Variants in SIPA1L2 observed in about 807,000 individuals in gnomAD.
SIPA1L2 encodes the protein signal-induced proliferation-associated 1-like protein 2.
A neutral mutation model predicts 163.9 loss-of-function variants in SIPA1L2; 56 were observed. The ratio of observed to expected loss-of-function variants is 0.34; its 90% CI spans 0.28 to 0.43. SIPA1L2 has a LOEUF of 0.43. Among genes scored for constraint, SIPA1L2 ranks in the 20% least tolerant of loss-of-function variants. The pLI is 1.00. For synonymous variants in SIPA1L2, 877 were observed against 865.7 expected, an observed-to-expected ratio of 1.01 and a Z score of -0.23; for missense variants, 1,974 against 2,193.5, an observed-to-expected ratio of 0.90 and a Z score of 2.00.
chr1:232,439,602 T>A, intron 14 of SIPA1L2, 106 bp from the exon 15 acceptor site: 1 of 1,296,916 alleles, frequency 7.7e-7, no homozygotes, highest in Non-Finnish European at 1.1e-6. Flanking sequence ...CCAAGCCCTT[T>A]CTACTCACTC....
At chr1:232,546,092 C>A (rs1410137206) in intron 2 of SIPA1L2, among the ~76,000 whole-genome samples, 1 of 152,160 alleles carries the variant, frequency 6.6e-6, no homozygotes, top group Non-Finnish European at 1.5e-5. Context: ...CACCTGGAGT[C>A]CTGTCTAAAT....
At chr1:232,547,455 G>A (rs1484080051) in intron 2 of SIPA1L2, among the ~76,000 whole-genome samples, 1 of 151,588 alleles carries the variant, frequency 6.6e-6, no homozygotes, top group Non-Finnish European at 1.5e-5. Context: ...TTCTATTCAA[G>A]CAAATGGAGA....
In SIPA1L2 at chr1:232,629,022, T is replaced by G. The variant is rs142620093; in HGVS notation, c.-319+847A>C. ...TGTTTTGACCAAAATCATGTTTTGG[T>G]GAGCACAATTCCGTAACCAATGCAC... is the stretch of plus-strand genomic sequence containing the variant. On this transcript the variant is annotated intron_variant, in intron 1 of 22. Coordinates refer to ENST00000674635, the MANE Select transcript of SIPA1L2 (RefSeq NM_020808.5). Among the ~76,000 whole-genome samples the G allele has an allele frequency of 4.6e-3, 700 of 152,304 alleles. 7 individuals are homozygous for G. Among genetic ancestry groups the G allele is most frequent in the African/African-American group, 0.016 (658 of 41,566 alleles).
At chr1:232,621,382 C>T (rs1662802523) in intron 1 of SIPA1L2, among the ~76,000 whole-genome samples, 1 of 151,912 alleles carries the variant, frequency 6.6e-6, no homozygotes, top group South Asian at 2.1e-4. Flanking sequence ...TCCCTTCTTC[C>T]TTTCTGTCTT....
At chr1:232,451,520 A>G (rs532438202) in intron 10 of SIPA1L2, among the ~76,000 whole-genome samples, 9 of 152,162 alleles carry the variant, frequency 5.9e-5, no homozygotes, top group Non-Finnish European at 1.2e-4. Context: ...CTAGCACAAA[A>G]AGACATTTCT....
intron 12 of SIPA1L2, among the ~76,000 whole-genome samples, chr1:232,443,323 T>A (rs1235750388): frequency 2.0e-5 from 3 of 152,144 alleles, no homozygotes; most frequent in Admixed American, 6.5e-5. Flanking sequence ...GCAATTTAAG[T>A]CAGGAGGCAA....
intron 19 of SIPA1L2, among the ~76,000 whole-genome samples, chr1:232,404,813 C>T (rs1031510490): frequency 5.3e-5 from 8 of 152,260 alleles, no homozygotes; most frequent in South Asian, 4.2e-4. Context: ...GTGAGAACCT[C>T]GCAATCTATT....
intron 6 of SIPA1L2, among the ~76,000 whole-genome samples, chr1:232,480,154 C>CGCGT (rs1553296471): frequency 3.0e-5 from 4 of 132,740 alleles, no homozygotes; most frequent in East Asian, 2.1e-4. Flanking sequence ...TGTGTGTGTG[C>CGCGT]GTGTGTGTGT....
chr1:232,455,606 G>A (rs898977541), intron 10 of SIPA1L2, among the ~76,000 whole-genome samples: 82 of 150,720 alleles, frequency 5.4e-4, no homozygotes, highest in African/African-American at 1.8e-3. Context: ...GCGTGAACCC[G>A]TGAGGCGGAG....
Position 232,514,648 on chromosome 1 carries a change from G to A in SIPA1L2, c.692C>T (p.Pro231Leu). ...TGCAGGGTCACAGCGGAAAAATTCA[G>A]GGAACCCAAAAGGGACCATTGCTTT... ...DHKAMVPFGF[P>L]EFFRCDPAIS... Residue 231 changes from proline to leucine, a missense_variant, in exon 3 of 23, where the codon CCT becomes CTT. By Grantham distance (98) the Pro-to-Leu change is moderately conservative. Coordinates refer to ENST00000674635, the MANE Select transcript of SIPA1L2 (RefSeq NM_020808.5). The A allele has an allele frequency of 6.2e-7, 1 of 1,614,164 alleles. No homozygotes were observed. Among genetic ancestry groups the A allele is most frequent in the East Asian group, 2.2e-5 (1 of 44,882 alleles).
intron 18 of SIPA1L2, among the ~76,000 whole-genome samples, chr1:232,423,505 A>G (rs1661699204): frequency 6.6e-6 from 1 of 152,250 alleles, no homozygotes; most frequent in Non-Finnish European, 1.5e-5. Context: ...TAGTTCATCC[A>G]TCAAGCCTAG....
At chr1:232,518,387 C>T (rs544119545) in intron 2 of SIPA1L2, among the ~76,000 whole-genome samples, 1 of 152,252 alleles carries the variant, frequency 6.6e-6, no homozygotes, top group South Asian at 2.1e-4. Flanking sequence ...ATACCTCCTT[C>T]CCTGGCCACA....
rs533585877 is a variant in SIPA1L2, at chr1:232,486,350, C to T, written c.1807-2384G>A. On this transcript the variant is annotated intron_variant, in intron 5 of 22. Coordinates refer to ENST00000674635, the MANE Select transcript of SIPA1L2 (RefSeq NM_020808.5). ...ACCTCATTGCTGACTGTTGTACTGT[C>T]AACTTCACACCCCTCTCTTCCCAGC... Among the ~76,000 whole-genome samples the T allele has an allele frequency of 1.2e-4, 19 of 152,294 alleles. No individual in the cohort carries two copies. The South Asian group carries it at 3.1e-3, about 25-fold the overall frequency.
chr1:232,462,538 G>A (rs1425910180), intron 9 of SIPA1L2: 2 of 410,996 alleles, frequency 4.9e-6, no homozygotes, highest in African/African-American at 4.0e-5. Flanking sequence ...TCACGACTCA[G>A]CAAAATGCGG....
At chr1:232,479,804 T>G in intron 6 of SIPA1L2, 74 bp from the exon 7 acceptor site, 1 of 1,385,152 alleles carries the variant, frequency 7.2e-7, no homozygotes, top group Non-Finnish European at 1.0e-6. Flanking sequence ...AAAAGGTTAC[T>G]GTTGCAAAAA....
At chr1:232,541,197 G>A (rs1156627192) in intron 2 of SIPA1L2, among the ~76,000 whole-genome samples, 2 of 151,980 alleles carry the variant, frequency 1.3e-5, no homozygotes, top group Non-Finnish European at 1.5e-5. Context: ...TATGGCACAC[G>A]TTTACCTATG....
At chr1:232,428,720 C>A (rs1662049372) in intron 16 of SIPA1L2, among the ~76,000 whole-genome samples, 156 bp from the exon 17 acceptor site, 1 of 152,126 alleles carries the variant, frequency 6.6e-6, no homozygotes, top group Non-Finnish European at 1.5e-5. Flanking sequence ...GCTCCAAATT[C>A]CCATGCCATT....
intron 9 of SIPA1L2, 74 bp from the exon 10 acceptor site, chr1:232,461,235 A>G: frequency 6.4e-7 from 1 of 1,551,176 alleles, no homozygotes; most frequent in Admixed American, 1.8e-5. Context: ...AGGTGCACGT[A>G]TGGGCCTCCA....
intron 3 of SIPA1L2, among the ~76,000 whole-genome samples, chr1:232,508,858 G>A (rs142383943): frequency 0.044 from 6,692 of 152,300 alleles, 299 homozygotes; most frequent in African/African-American, 0.1. Flanking sequence ...CTGGGAGGCT[G>A]AGGTGGGTGG....
Sources: gnomAD v4.1 joint callset for allele counts (sites outside exome capture counted in the v4.1 genomes callset) on GRCh38, gnomAD v4.1.1 for gene constraint, MANE v1.5 for transcripts, NCBI Gene and HGNC (gene_info 2026-07-23, HGNC 2026-07-21) for gene names.